The following CFAP206 variants were observed in gnomAD, a reference collection of about 807,000 sequenced individuals.
CFAP206 encodes the protein cilia and flagella associated protein 206.
CFAP206 carries 53 observed loss-of-function variants against 65.4 expected under a neutral mutation model. The observed-to-expected ratio is 0.81, with a 90% CI of 0.65 to 1.02. The LOEUF (loss-of-function observed/expected upper bound fraction) is 1.02, where lower values mean the gene tolerates loss of function less well. Ranked by LOEUF, CFAP206 falls within the 50% of genes least tolerant of loss-of-function variation. The pLI, the probability that CFAP206 is intolerant of heterozygous loss-of-function variation, is 0.00. For missense variants in CFAP206, 663 were observed against 753.2 expected, an observed-to-expected ratio of 0.88 and a Z score of 1.40; for synonymous variants, 250 against 254.4, an observed-to-expected ratio of 0.98 and a Z score of 0.17.
At chr6:87,424,348 TG>T (rs1195279788) in intron 7 of CFAP206, among the ~76,000 whole-genome samples, 3 of 152,160 alleles carry the variant, frequency 2.0e-5, no homozygotes. Flanking sequence ...GGCTCGATCT[TG>T]GCTCACTGCA....
At chr6:87,425,123 G>C (rs1295905759) in intron 7 of CFAP206, among the ~76,000 whole-genome samples, 1 of 152,180 alleles carries the variant, frequency 6.6e-6, no homozygotes, top group African/African-American at 2.4e-5. Flanking sequence ...TTAACAGATA[G>C]TATTTTATAA....
intron 1 of CFAP206, among the ~76,000 whole-genome samples, chr6:87,409,227 C>CG (rs1767684424): frequency 7.0e-6 from 1 of 142,932 alleles, no homozygotes; most frequent in South Asian, 2.2e-4. Flanking sequence ...ACTGCTTAGC[C>CG]TTTTTTTTTT....
Position 87,434,962 on chromosome 6 carries a change from AC to A in CFAP206, c.1404del (p.Asp468GlufsTer2). 1 of 1,593,370 alleles carries A rather than the reference AC, an allele frequency of 6.3e-7. No individual in the cohort carries two copies. ...GCAGAAAATCCTGAACATTATATTG[AC>A]ATAGTTAGAGAAAAGGCCAAAAAAA... ...SFAENPEHYIDIVREKAKKNT... is the reference protein window; with the variant it reads ...SFAENPEHYIXIVREKAKKNT... On this transcript the variant is annotated frameshift_variant, in exon 11 of 13. Coordinates refer to ENST00000369562, the MANE Select transcript of CFAP206 (RefSeq NM_001031743.3). LOFTEE classifies it high-confidence loss of function.
Position 87,418,344 on chromosome 6 carries a change from A to C in CFAP206, c.768A>C (p.Glu256Asp), listed in dbSNP as rs1362548542. 6.2e-7 allele frequency: 1 copy of C among 1,614,182 alleles called. No homozygotes were observed. The change falls in exon 7 of 13, where the codon GAA becomes GAC. Residue 256 changes from glutamate to aspartate, a missense_variant. By Grantham distance (45) the Glu-to-Asp change is conservative. Transcript: ENST00000369562. ...CCAACGACCCACTCATGAGGGCTGA[A>C]CTTCAGCCATATATGTTAAAAGAAG... The part of the protein sequence containing the change: ...KAANDPLMRA[E>D]LQPYMLKEAL...
intron 9 of CFAP206, among the ~76,000 whole-genome samples, chr6:87,429,107 T>C (rs1768110143): frequency 6.6e-6 from 1 of 151,994 alleles, no homozygotes; most frequent in South Asian, 2.1e-4. Context: ...GCGCCTGTAA[T>C]CCCAGCTACT....
intron 11 of CFAP206, chr6:87,436,619 G>A (rs917107483): frequency 6.6e-6 from 1 of 152,336 alleles, no homozygotes; most frequent in Non-Finnish European, 1.5e-5. Flanking sequence ...AGCTCAGTTG[G>A]TGCTGCTATT....
chr6:87,425,754 T>C (rs1282063648), intron 7 of CFAP206: 1 of 152,192 alleles, frequency 6.6e-6, no homozygotes, highest in Non-Finnish European at 1.5e-5. Context: ...TATATGTACT[T>C]CCCCCAGACG....
At chr6:87,446,242 G>C (rs977193978) in intron 11 of CFAP206, among the ~76,000 whole-genome samples, 2 of 152,084 alleles carry the variant, frequency 1.3e-5, no homozygotes, top group South Asian at 2.1e-4. Context: ...TTTTGTTGCT[G>C]TTGCTTTTGA....
At chr6:87,433,778 A>C (rs549130390) in intron 10 of CFAP206, among the ~76,000 whole-genome samples, 3 of 152,322 alleles carry the variant, frequency 2.0e-5, no homozygotes, top group African/African-American at 7.2e-5. Context: ...ATTTTAGCAA[A>C]ATAAAAGCAT....
rs186138815 is a variant in CFAP206 at position 87,412,215 on chromosome 6, C to A, written c.192+1547C>A. ...CTCAACTAAAAATCATGTGGATGAGCTATTTTTTTAAGTGTGCATTTTAGA... is the reference window on the plus strand; with the variant it reads ...CTCAACTAAAAATCATGTGGATGAGATATTTTTTTAAGTGTGCATTTTAGA... On this transcript the variant is annotated intron_variant, in intron 3 of 12. Coordinates refer to ENST00000369562, the MANE Select transcript of CFAP206 (RefSeq NM_001031743.3). Among the ~76,000 whole-genome samples, 303 of 152,274 alleles carry A rather than the reference C, an allele frequency of 2.0e-3. 10 individuals carry two copies. In the East Asian group the frequency reaches 0.054, roughly 27 times the overall value.
Position 87,464,217 on chromosome 6 carries a change from G to A in CFAP206, c.1836G>A (p.Lys612=). Residue 612 remains lysine, a synonymous_variant, in exon 13 of 13, where the codon AAG becomes AAA. Transcript: ENST00000369562. ...AGAGCGAAATCACCGATGAGGTCAA[G>A]GTGAACTTAACTAGAGATGTGGATG... The part of the protein sequence containing the change: ...GGKSEITDEV[K]VNLTRDVDET 2 of 1,614,018 alleles carry A rather than the reference G, an allele frequency of 1.2e-6. No individual in the cohort carries two copies. Among genetic ancestry groups the A allele is most frequent in the Non-Finnish European group, 1.7e-6 (2 of 1,179,972 alleles).
intron 4 of CFAP206, 33 bp downstream of exon 4, chr6:87,413,933 A>C: frequency 9.1e-7 from 1 of 1,104,038 alleles, no homozygotes; most frequent in Non-Finnish European, 1.3e-6. Context: ...ATACTTAAAA[A>C]ATTTCATACT....
At position 87,415,666 on chromosome 6, in the gene CFAP206, T is replaced by C. The variant is rs775907153; in HGVS notation, c.284-20T>C. On this transcript the variant is annotated intron_variant, in intron 4 of 12. Transcript: ENST00000369562. ...TTCTAAAAATTAAATATATAGAACA[T>C]TGTTATTTGGCAATTTTAGTGGAAT... 7 of 1,595,894 alleles carry C rather than the reference T, an allele frequency of 4.4e-6. No homozygotes were observed. Among genetic ancestry groups the C allele is most frequent in the Non-Finnish European group, 6.0e-6 (7 of 1,170,072 alleles).
chr6:87,430,489 A>C (rs1203461628), intron 9 of CFAP206, among the ~76,000 whole-genome samples: 2 of 152,216 alleles, frequency 1.3e-5, no homozygotes, highest in East Asian at 3.8e-4. Context: ...CATTTTCTTG[A>C]CTTTCTGCTC....
At chr6:87,419,119 TTG>T (rs1491494449) in intron 7 of CFAP206, among the ~76,000 whole-genome samples, 34 of 140,006 alleles carry the variant, frequency 2.4e-4, no homozygotes, top group Middle Eastern at 3.9e-3. Flanking sequence ...AAAAAAACGT[TTG>T]TTTTTTTTTT....
chr6:87,430,411 C>T (rs2127951802), intron 9 of CFAP206, among the ~76,000 whole-genome samples: 1 of 152,092 alleles, frequency 6.6e-6, no homozygotes, highest in Non-Finnish European at 1.5e-5. Flanking sequence ...GTAAGCTAAC[C>T]AACATAGGAA....
At chr6:87,440,493 GTGT>G (rs1368839637) in intron 11 of CFAP206, among the ~76,000 whole-genome samples, 1 of 152,010 alleles carries the variant, frequency 6.6e-6, no homozygotes, top group Non-Finnish European at 1.5e-5. Context: ...CAGGAGGTGA[GTGT>G]TGTTGTGGGG....
chr6:87,416,172 G>T (rs1457408530), intron 5 of CFAP206, among the ~76,000 whole-genome samples: 1 of 152,146 alleles, frequency 6.6e-6, no homozygotes, highest in East Asian at 1.9e-4. Context: ...GAGGGTACCA[G>T]GCTGATTGAG....
intron 2 of CFAP206, among the ~76,000 whole-genome samples, chr6:87,410,272 A>C (rs541969458): frequency 2.6e-5 from 4 of 152,344 alleles, no homozygotes; most frequent in African/African-American, 9.6e-5. Flanking sequence ...GCTTTTGGTT[A>C]ACAATACACA....
Sources: allele counts gnomAD v4.1 joint callset (sites outside exome capture counted in the v4.1 genomes callset), GRCh38; gene constraint gnomAD v4.1.1; transcripts MANE v1.5; gene names NCBI Gene and HGNC (gene_info 2026-07-23, HGNC 2026-07-21).